Variants in SORBS2 observed in about 807,000 individuals in gnomAD.
SORBS2 encodes sorbin and SH3 domain containing 2.
In SORBS2, 46 loss-of-function variants were observed where a neutral mutation model predicts 97.7. The ratio of observed to expected loss-of-function variants is 0.47; its 90% CI spans 0.37 to 0.60. The LOEUF is 0.60. Among genes scored for constraint, SORBS2 ranks in the 20% least tolerant of loss-of-function variants. SORBS2 has a pLI of 0.00. For synonymous variants in SORBS2, 476 were observed against 473.4 expected, an observed-to-expected ratio of 1.01 and a Z score of -0.07; for missense variants, 1,316 against 1,282.3, an observed-to-expected ratio of 1.03 and a Z score of -0.40.
At chr4:185,845,725 A>T (rs1579165587) in intron 1 of SORBS2, among the ~76,000 whole-genome samples, 2 of 152,198 alleles carry the variant, frequency 1.3e-5, no homozygotes, top group Admixed American at 6.5e-5. Context: ...AACCCAATTT[A>T]AAAAAAGAAG....
intron 1 of SORBS2, among the ~76,000 whole-genome samples, chr4:185,827,738 T>C (rs1221212846): frequency 9.5e-6 from 1 of 105,228 alleles, no homozygotes; most frequent in East Asian, 2.4e-4. Context: ...ACCATCATCA[T>C]CACCATCATC....
At chr4:185,751,949 A>G (rs1168577722) in intron 2 of SORBS2, among the ~76,000 whole-genome samples, 1 of 152,012 alleles carries the variant, frequency 6.6e-6, no homozygotes, top group Non-Finnish European at 1.5e-5. Context: ...CAACTGGGAG[A>G]CAGTTTTGGT....
At chr4:185,626,627 G>A (rs747664772) in intron 6 of SORBS2, among the ~76,000 whole-genome samples, 1 of 152,212 alleles carries the variant, frequency 6.6e-6, no homozygotes, top group Non-Finnish European at 1.5e-5. Context: ...GCAGATGCTA[G>A]TCAGAGTTCT....
intron 1 of SORBS2, among the ~76,000 whole-genome samples, chr4:185,888,053 C>T (rs940625721): frequency 4.0e-5 from 5 of 125,950 alleles, no homozygotes; most frequent in African/African-American, 9.1e-5. Flanking sequence ...TGAAACCTGA[C>T]ATTCTATATT....
chr4:185,835,412 T>C (rs1393229292), intron 1 of SORBS2, among the ~76,000 whole-genome samples: 1 of 152,260 alleles, frequency 6.6e-6, no homozygotes, highest in Non-Finnish European at 1.5e-5. Flanking sequence ...AAAATTTTAT[T>C]GTCTTGTTTA....
At chr4:185,716,248 G>C (rs1293833476) in intron 2 of SORBS2, among the ~76,000 whole-genome samples, 15 of 151,870 alleles carry the variant, frequency 9.9e-5, no homozygotes, top group Admixed American at 9.8e-4. Flanking sequence ...CTGGAGCCAA[G>C]CCAGCTTTGT....
intron 4 of SORBS2, among the ~76,000 whole-genome samples, chr4:185,644,577 C>G (rs1020400026): frequency 9.2e-5 from 14 of 152,264 alleles, no homozygotes; most frequent in African/African-American, 3.4e-4. Context: ...AGTTCTGGCT[C>G]CCACCATGTG....
chr4:185,881,835 A>C (rs2099237056), intron 1 of SORBS2, among the ~76,000 whole-genome samples: 1 of 152,208 alleles, frequency 6.6e-6, no homozygotes, highest in African/African-American at 2.4e-5. Context: ...GGGGAAGAAA[A>C]AAGAAGAAGT....
chr4:185,657,483 G>A (rs1361232031), upstream of SORBS2: 4 of 1,568,086 alleles, frequency 2.6e-6, no homozygotes, highest in Non-Finnish European at 3.4e-6. Flanking sequence ...GGGTAATGCG[G>A]GGCTTTGATG....
At chr4:185,775,364 T>G (rs2098994618) in exon 2 of SORBS2, 1 of 152,456 alleles carries the variant, frequency 6.6e-6, no homozygotes, top group Non-Finnish European at 1.5e-5. Flanking sequence ...CCAATCCAAG[T>G]GTCTGAAGGA....
chr4:185,586,924 T>TTTAC (rs770216346), exon 15 of SORBS2: 7 of 152,650 alleles, frequency 4.6e-5, no homozygotes, highest in African/African-American at 9.7e-5. Flanking sequence ...AAGGCTTTTA[T>TTTAC]TTACTTACTG....
chr4:185,721,081 A>AT (rs2098509431), intron 2 of SORBS2, among the ~76,000 whole-genome samples: 1 of 69,598 alleles, frequency 1.4e-5, no homozygotes, highest in Admixed American at 1.6e-4. Flanking sequence ...TTTCCCACCT[A>AT]TTCTTTTTTT....
chr4:185,680,042 T>C (rs2097848484), intron 2 of SORBS2, among the ~76,000 whole-genome samples: 1 of 152,242 alleles, frequency 6.6e-6, no homozygotes, highest in Non-Finnish European at 1.5e-5. Context: ...CATTGATAAC[T>C]TGGTATGGAT....
At chr4:185,622,330 T>C (rs1285568230) in intron 7 of SORBS2, among the ~76,000 whole-genome samples, 1 of 152,200 alleles carries the variant, frequency 6.6e-6, no homozygotes, top group Admixed American at 6.5e-5. Context: ...CTTTTATATA[T>C]ATAGCTTAAA....
intron 1 of SORBS2, among the ~76,000 whole-genome samples, chr4:185,827,069 C>CCATCATCATCATCACCAT (rs144017246): frequency 1.4e-5 from 2 of 141,916 alleles, no homozygotes; most frequent in Non-Finnish European, 3.1e-5. Context: ...ATCATCATCA[C>CCATCATCATCATCACCAT]CATCATCATC....
chr4:185,627,679 G>A (rs62334750), intron 5 of SORBS2, among the ~76,000 whole-genome samples: 46,896 of 151,876 alleles, frequency 0.31, 8,164 homozygotes, highest in South Asian at 0.51. Flanking sequence ...CTGATGCGTC[G>A]TCACCCCAAG....
chr4:185,947,055 G>A (rs1433196604), intron 1 of SORBS2, among the ~76,000 whole-genome samples: 2 of 152,104 alleles, frequency 1.3e-5, no homozygotes, highest in African/African-American at 4.8e-5. Context: ...GGGTAAAATC[G>A]GATCAAGGAA....
rs143604902 is a variant in SORBS2 at position 185,648,468 on chromosome 4, C to A, written c.281+999G>T. The stretch of plus-strand genomic sequence containing the variant: ...CACCATTGCACTCCAGCCTGGGTAA[C>A]AGAGTGAGACTCCATTTAAAAAAAA... On this transcript the variant is annotated intron_variant, in intron 3 of 14. Transcript: ENST00000418609. Among the ~76,000 whole-genome samples, 612 of 149,974 alleles carry A rather than the reference C, an allele frequency of 4.1e-3. 3 individuals carry two copies. The highest frequency in any genetic ancestry group is 0.014 in the African/African-American group (585 of 40,814).
At chr4:185,665,796 G>A (rs1257249450) in intron 4 of SORBS2, 2 of 1,107,118 alleles carry the variant, frequency 1.8e-6, no homozygotes, top group Non-Finnish European at 2.2e-6. Flanking sequence ...GACCCCAGGT[G>A]GGGGAGGGTG....
Sources: allele counts gnomAD v4.1 joint callset (sites outside exome capture counted in the v4.1 genomes callset), GRCh38; gene constraint gnomAD v4.1.1; transcripts MANE v1.5; gene names NCBI Gene and HGNC (gene_info 2026-07-23, HGNC 2026-07-21).